FOXP4: variants seen among roughly 807,000 people sequenced by gnomAD.
FOXP4 encodes forkhead box protein P4.
A neutral mutation model predicts 82.6 loss-of-function variants in FOXP4; 25 were observed. The ratio of observed to expected loss-of-function variants is 0.30; its 90% CI spans 0.22 to 0.42. The LOEUF (loss-of-function observed/expected upper bound fraction) is 0.42. Among genes scored for constraint, FOXP4 ranks in the 10% least tolerant of loss-of-function variants. The pLI, the probability that FOXP4 is intolerant of heterozygous loss-of-function variation, is 1.00. For missense variants in FOXP4, 785 were observed against 900.9 expected, an observed-to-expected ratio of 0.87 and a Z score of 1.65; for synonymous variants, 415 against 388.2, an observed-to-expected ratio of 1.07 and a Z score of -0.81.
intron 1 of FOXP4, among the ~76,000 whole-genome samples, chr6:41,557,677 T>G (rs924584215): frequency 7.9e-5 from 12 of 152,234 alleles, no homozygotes; most frequent in Non-Finnish European, 1.8e-4. Context: ...CAAATTTCAC[T>G]TTTTAAATGT....
At chr6:41,598,017 C>CCCCACCCTGGGTGGGGTTCCCCAT in intron 16 of FOXP4, 67 bp downstream of exon 16, 1 of 1,345,268 alleles carries the variant, frequency 7.4e-7, no homozygotes, top group Non-Finnish European at 9.8e-7. Context: ...AGGCGTCATC[C>CCCCACCCTGGGTGGGGTTCCCCAT]CCCACCCTGG....
At position 41,573,644 on chromosome 6, in the gene FOXP4, G is replaced by A. The variant is rs562356168; in HGVS notation, c.205-4342G>A. On this transcript the variant is annotated intron_variant, in intron 2 of 16. Transcript: ENST00000307972. Reference sequence around the variant, plus strand: ...AAGATCAATCATCATAATAGCGTTCGTCCAGGACCTACTGGGTGCCTGGCA... The same window carrying A: ...AAGATCAATCATCATAATAGCGTTCATCCAGGACCTACTGGGTGCCTGGCA... Among the ~76,000 whole-genome samples the A allele has an allele frequency of 1.2e-4, 19 of 152,264 alleles. No individual in the cohort carries two copies. In the East Asian group the frequency reaches 2.7e-3, roughly 22 times the overall value.
At chr6:41,551,222 C>T (rs1315938217) in intron 1 of FOXP4, among the ~76,000 whole-genome samples, 1 of 152,232 alleles carries the variant, frequency 6.6e-6, no homozygotes, top group East Asian at 1.9e-4. Context: ...ACAAGAGCTC[C>T]TGGCACAAAA....
In FOXP4 at chr6:41,591,955, G is replaced by A. The variant is rs1766536049; in HGVS notation, c.1536+633G>A. Among the ~76,000 whole-genome samples the A allele has an allele frequency of 6.6e-6, 1 of 152,042 alleles. No individual in the cohort carries two copies. Among genetic ancestry groups the A allele is most frequent in the Non-Finnish European group, 1.5e-5 (1 of 68,016 alleles). On this transcript the variant is annotated intron_variant, in intron 13 of 16. Transcript: ENST00000307972. The surrounding 1 kb of genome is among the most constrained non-coding windows in gnomAD (Gnocchi z 4.2). Reference sequence around the variant, plus strand: ...TAGAAAAATGGGAGACAGATGCTGGGGTACTAGGCCATTTATTTTTCTATA... The same window carrying A: ...TAGAAAAATGGGAGACAGATGCTGGAGTACTAGGCCATTTATTTTTCTATA...
In FOXP4 at chr6:41,578,184, A is replaced by T. The variant is rs1309296825; in HGVS notation, c.300+103A>T. On this transcript the variant is annotated intron_variant, in intron 3 of 16. Transcript: ENST00000307972. ...TGGAGAACTGCTCTTGCCAGTTCCA[A>T]CACCAAAAAGTGGGCAACTTTTCAA... 6.1e-6 allele frequency: 6 copies of T among 981,956 alleles called. No homozygotes were observed. In the African/African-American group the frequency reaches 8.2e-5, roughly 13 times the overall value. The allele number at this position is 981,956 out of a possible 1,614,324, so 60.8% of individuals were successfully genotyped here. A position where few individuals can be genotyped will look rare whatever the true frequency, so the allele number is the denominator to read the frequency against.
chr6:41,597,823 G>A lies in FOXP4; in HGVS notation c.1768G>A (p.Gly590Ser). 1.2e-6 allele frequency: 2 copies of A among 1,606,982 alleles called. No individual in the cohort carries two copies. The highest frequency in any genetic ancestry group is 1.3e-5 in the African/African-American group (1 of 74,978). Residue 590 changes from glycine (G) to serine (S), a missense_variant, in exon 16 of 17, where the codon GGC (glycine) becomes AGC (serine). Gly to Ser is a moderately conservative substitution (Grantham distance 56). Around this residue, in one of 3 missense-constraint regions of FOXP4, gnomAD observed 184 missense variants for 187.3 expected, o/e 0.98. Coordinates refer to ENST00000307972, the MANE Select transcript of FOXP4 (RefSeq NM_001012426.2). The stretch of plus-strand genomic sequence containing the variant: ...CAGCTTCCCCCTCCTCAACAGCCCT[G>A]GCATGCTGAACCCTGGCTCCGCCAG... ...ESSFPLLNSP[G>S]MLNPGSASSL...
Position 41,597,181 on chromosome 6 carries a change from C to T in FOXP4, c.1664C>T (p.Pro555Leu), listed in dbSNP as rs941652645. The stretch of plus-strand genomic sequence containing the variant: ...TGGCCTTCTCTGTCCTCCAGGAGCC[C>T]CACCCTGGTGAAGAACATGATCTCT... ...KRRPPKMTGSPTLVKNMISGL... is the reference protein window; with the variant it reads ...KRRPPKMTGSLTLVKNMISGL... Residue 555 changes from proline (P) to leucine (L), a missense_variant, in exon 15 of 17, where the codon CCC becomes CTC. Around this residue, in one of 3 missense-constraint regions of FOXP4, gnomAD observed 184 missense variants for 187.3 expected, o/e 0.98. Transcript: ENST00000307972. The T allele has an allele frequency of 1.9e-6, 3 of 1,614,174 alleles. No individual in the cohort carries two copies. The highest frequency in any genetic ancestry group is 2.5e-6 in the Non-Finnish European group (3 of 1,180,020).
chr6:41,568,776 A>G (rs1765022038), intron 2 of FOXP4, among the ~76,000 whole-genome samples: 1 of 152,138 alleles, frequency 6.6e-6, no homozygotes, highest in African/African-American at 2.4e-5. Context: ...TGGAAATGCA[A>G]TCCTGGCCTT....
At chr6:41,569,938 G>A (rs529993726) in intron 2 of FOXP4, among the ~76,000 whole-genome samples, 2 of 151,934 alleles carry the variant, frequency 1.3e-5, no homozygotes, top group South Asian at 2.1e-4. Flanking sequence ...CAGGCAGTTG[G>A]GGGAGGGGAG....
intron 8 of FOXP4, 140 bp from the exon 9 acceptor site, chr6:41,588,504 T>G (rs1766296861): frequency 1.2e-6 from 1 of 820,716 alleles, no homozygotes; most frequent in Non-Finnish European, 2.0e-6. Flanking sequence ...ATTGCCCCGT[T>G]TTTCCACCTC....
At chr6:41,573,183 T>C (rs1247213618) in intron 2 of FOXP4, among the ~76,000 whole-genome samples, 2 of 152,122 alleles carry the variant, frequency 1.3e-5, no homozygotes, top group African/African-American at 4.8e-5. Context: ...TCCAGCCTGC[T>C]GAAAGGACTG....
At chr6:41,585,196 G>A (rs964903250) in intron 4 of FOXP4, among the ~76,000 whole-genome samples, 5 of 152,134 alleles carry the variant, frequency 3.3e-5, no homozygotes, top group African/African-American at 1.2e-4. Flanking sequence ...GACCTGCTCA[G>A]GAGATCCACC....
Position 41,585,421 on chromosome 6 carries a change from A to AC in FOXP4, c.424-3dup, listed in dbSNP as rs760423295. On this transcript the variant is annotated splice_polypyrimidine_tract_variant and intron_variant, in intron 4 of 16. Coordinates refer to ENST00000307972, the MANE Select transcript of FOXP4 (RefSeq NM_001012426.2). Reference sequence around the variant, plus strand: ...ACCCTGCCAGTGGTAACCCTCCTCCACCCCCCCAGCTACAGGAGTACTACA... The same window carrying AC: ...ACCCTGCCAGTGGTAACCCTCCTCCACCCCCCCCAGCTACAGGAGTACTACA... 57 of 1,610,300 alleles carry AC rather than the reference A, an allele frequency of 3.5e-5. No homozygotes were observed. Among genetic ancestry groups the AC allele is most frequent in the East Asian group, 4.5e-5 (2 of 44,770 alleles).
rs1029804417 is a variant in FOXP4, at chr6:41,588,815, G to A, written c.1065+84G>A. 2.7e-5 allele frequency: 40 copies of A among 1,462,614 alleles called. 1 individual carries two copies. In the Admixed American group the frequency reaches 5.1e-4, roughly 19 times the overall value. The allele number at this position is 1,462,614 out of a possible 1,614,324, so 90.6% of individuals were successfully genotyped here. ...AGCACTGACTTGCTAGGTGGGCTCT[G>A]TTGGGAGGGTCTCATGGAAGGGTCC... is the stretch of plus-strand genomic sequence containing the variant. On this transcript the variant is annotated intron_variant, in intron 9 of 16. Coordinates refer to ENST00000307972, the MANE Select transcript of FOXP4 (RefSeq NM_001012426.2).
chr6:41,563,483 C>T (rs116292129), intron 1 of FOXP4, among the ~76,000 whole-genome samples: 135 of 152,226 alleles, frequency 8.9e-4, no homozygotes, highest in African/African-American at 3.2e-3. Context: ...GTCAGGGAGA[C>T]CGTGTGGTTA....
intron 14 of FOXP4, among the ~76,000 whole-genome samples, chr6:41,596,142 C>T (rs917691182): frequency 6.6e-6 from 1 of 152,226 alleles, no homozygotes; most frequent in Non-Finnish European, 1.5e-5. Context: ...AGGTGATCTG[C>T]CCGCATCGGC....
Position 41,597,766 on chromosome 6 carries a change from C to G in FOXP4, c.1726-15C>G. Reference sequence around the variant, plus strand: ...TGTGGAGCCACTGACGAGGCCCAACCCTGTGCCCCTGCAGGCCGCCCTGGC... The same window carrying G: ...TGTGGAGCCACTGACGAGGCCCAACGCTGTGCCCCTGCAGGCCGCCCTGGC... On this transcript the variant is annotated splice_polypyrimidine_tract_variant and intron_variant, in intron 15 of 16. Transcript: ENST00000307972. The G allele has an allele frequency of 6.2e-7, 1 of 1,604,116 alleles. No homozygotes were observed. Among genetic ancestry groups the G allele is most frequent in the Non-Finnish European group, 8.5e-7 (1 of 1,178,700 alleles).
intron 1 of FOXP4, among the ~76,000 whole-genome samples, chr6:41,556,560 G>A (rs866507583): frequency 3.9e-5 from 6 of 152,296 alleles, no homozygotes; most frequent in Middle Eastern, 3.4e-3. Context: ...TCCTGACCTT[G>A]TGATCTGCCC....
chr6:41,583,094 G>C (rs1487284932), intron 3 of FOXP4, among the ~76,000 whole-genome samples: 1 of 152,232 alleles, frequency 6.6e-6, no homozygotes, highest in Non-Finnish European at 1.5e-5. Flanking sequence ...GTCTCTTGGA[G>C]CCTTCATTCA....
Sources: gnomAD v4.1 joint callset for allele counts (sites outside exome capture counted in the v4.1 genomes callset) on GRCh38, gnomAD v4.1.1 for gene constraint, gnomAD v4.1.1 regional missense constraint, Gnocchi (gnomAD v3.1) non-coding constraint, MANE v1.5 for transcripts, NCBI Gene and HGNC (gene_info 2026-07-23, HGNC 2026-07-21) for gene names.